Variants in KIAA1217 observed in about 807,000 individuals in gnomAD.
KIAA1217 encodes the protein KIAA1217, also known as sickle tail protein homolog.
KIAA1217 carries 88 observed loss-of-function variants against 163.9 expected under a neutral mutation model. That is an observed-to-expected ratio of 0.54 (90% CI 0.45 to 0.64). KIAA1217 has a LOEUF of 0.64. Among genes scored for constraint, KIAA1217 ranks in the 30% least tolerant of loss-of-function variants. KIAA1217 has a pLI of 0.00. For missense variants in KIAA1217, 2,372 were observed against 2,475.0 expected (o/e 0.96, Z 0.88); for synonymous variants, 903 against 923.1 (o/e 0.98, Z 0.39).
chr10:24,143,358 C>T (rs1316763035), intron 2 of KIAA1217, among the ~76,000 whole-genome samples: 1 of 152,128 alleles, frequency 6.6e-6, no homozygotes, highest in Non-Finnish European at 1.5e-5. Context: ...CCTCTGCCTC[C>T]CAGGTTCAAG....
chr10:24,446,028 C>T (rs1212715178), intron 5 of KIAA1217, among the ~76,000 whole-genome samples: 1 of 152,182 alleles, frequency 6.6e-6, no homozygotes, highest in African/African-American at 2.4e-5. Flanking sequence ...TTCTCCACAT[C>T]CTCTCCAGCA....
chr10:24,406,957 A>G (rs1343428551), intron 3 of KIAA1217, among the ~76,000 whole-genome samples: 4 of 152,200 alleles, frequency 2.6e-5, no homozygotes, highest in African/African-American at 7.2e-5. Flanking sequence ...TGAAACAACA[A>G]AAGCACCTGT....
At chr10:24,360,040 C>CATTTTTTTTTTTTTT (rs55881849) in intron 2 of KIAA1217, among the ~76,000 whole-genome samples, 2 of 94,282 alleles carry the variant, frequency 2.1e-5, no homozygotes, top group African/African-American at 4.5e-5. Context: ...GATATAATTA[C>CATTTTTTTTTTTTTT]TTTTTTTTTT....
intron 1 of KIAA1217, among the ~76,000 whole-genome samples, chr10:23,988,580 T>C (rs1846081179): frequency 6.6e-6 from 1 of 152,174 alleles, no homozygotes; most frequent in African/African-American, 2.4e-5. Context: ...CAAATAAATA[T>C]GCAAAATGCA....
At chr10:24,525,025 A>ACCTGGCCTGTAG (rs71281595) in intron 13 of KIAA1217, among the ~76,000 whole-genome samples, 7 of 150,730 alleles carry the variant, frequency 4.6e-5, no homozygotes, top group Non-Finnish European at 7.4e-5. Flanking sequence ...AAGGTGAGAC[A>ACCTGGCCTGTAG]GCAGTGTGCT....
chr10:24,032,528 T>G (rs139233619), intron 2 of KIAA1217, among the ~76,000 whole-genome samples: 2,237 of 152,274 alleles, frequency 0.015, 25 homozygotes, highest in South Asian at 0.043. Flanking sequence ...TGAGCCACCA[T>G]GCCTGGCCTC....
chr10:24,272,417 G>A (rs1804276103), intron 2 of KIAA1217, among the ~76,000 whole-genome samples: 1 of 152,160 alleles, frequency 6.6e-6, no homozygotes, highest in African/African-American at 2.4e-5. Flanking sequence ...AATGATGCCT[G>A]AGTTTTCATT....
chr10:24,051,864 A>T (rs545563506), intron 2 of KIAA1217, among the ~76,000 whole-genome samples: 10 of 152,070 alleles, frequency 6.6e-5, no homozygotes, highest in Non-Finnish European at 1.5e-4. Flanking sequence ...TCCTTTTTCA[A>T]ATGCATACTT....
chr10:23,770,056 A>G (rs1834725493), intron 1 of KIAA1217, among the ~76,000 whole-genome samples: 1 of 152,210 alleles, frequency 6.6e-6, no homozygotes, highest in South Asian at 2.1e-4. Context: ...TTCACTTTCT[A>G]TCCTTCTCCA....
At chr10:24,395,757 A>G (rs577750013) in intron 3 of KIAA1217, among the ~76,000 whole-genome samples, 56 of 152,054 alleles carry the variant, frequency 3.7e-4, no homozygotes, top group Middle Eastern at 3.4e-3. Context: ...TACAGCCTCA[A>G]TCTCCTGGGC....
intron 2 of KIAA1217, among the ~76,000 whole-genome samples, chr10:24,368,170 T>C (rs968198448): frequency 2.6e-5 from 4 of 152,222 alleles, no homozygotes; most frequent in Non-Finnish European, 5.9e-5. Flanking sequence ...CTTAATCATT[T>C]TCACATTCCT....
At chr10:23,758,603 T>C (rs1328721780) in intron 1 of KIAA1217, among the ~76,000 whole-genome samples, 1 of 148,670 alleles carries the variant, frequency 6.7e-6, no homozygotes, top group African/African-American at 2.6e-5. Context: ...TCTCTTTTCT[T>C]TTCTCTTTCT....
chr10:24,135,352 G>A (rs574794961), intron 2 of KIAA1217, among the ~76,000 whole-genome samples: 2 of 152,014 alleles, frequency 1.3e-5, no homozygotes, highest in Non-Finnish European at 2.9e-5. Flanking sequence ...GTGAGTTTTA[G>A]CTCCCGTAAA....
intron 1 of KIAA1217, among the ~76,000 whole-genome samples, chr10:23,963,587 C>T (rs926557983): frequency 6.6e-6 from 1 of 152,132 alleles, no homozygotes; most frequent in Non-Finnish European, 1.5e-5. Context: ...GAGGTGCATG[C>T]ATCTTTATAG....
At chr10:23,944,877 G>A (rs969164136) in intron 1 of KIAA1217, among the ~76,000 whole-genome samples, 1 of 152,000 alleles carries the variant, frequency 6.6e-6, no homozygotes, top group Admixed American at 6.6e-5. Context: ...TGGCCAACAT[G>A]GTGAAACCCT....
chr10:24,430,338 A>T (rs2059501379), intron 3 of KIAA1217, among the ~76,000 whole-genome samples: 1 of 152,006 alleles, frequency 6.6e-6, no homozygotes. Flanking sequence ...TCTTCTGTGG[A>T]TGTGATGGGT....
At chr10:23,925,968 T>C (rs1373840194) in intron 1 of KIAA1217, among the ~76,000 whole-genome samples, 1 of 152,196 alleles carries the variant, frequency 6.6e-6, no homozygotes, top group Non-Finnish European at 1.5e-5. Context: ...TGAAGGCCAA[T>C]AAACTTTCTC....
At chr10:23,885,635 C>T (rs1219636473) in intron 1 of KIAA1217, among the ~76,000 whole-genome samples, 1 of 152,062 alleles carries the variant, frequency 6.6e-6, no homozygotes, top group East Asian at 2.0e-4. Context: ...AGGTCTTTAG[C>T]ATGTAGCTCT....
intron 4 of KIAA1217, among the ~76,000 whole-genome samples, chr10:24,435,871 T>C (rs2059975072): frequency 6.6e-6 from 1 of 152,126 alleles, no homozygotes; most frequent in Non-Finnish European, 1.5e-5. Flanking sequence ...CTAACTTTTT[T>C]TTTTTTTGAG....
Sources: allele counts gnomAD v4.1 joint callset (sites outside exome capture counted in the v4.1 genomes callset), GRCh38; gene constraint gnomAD v4.1.1; transcripts MANE v1.5; gene names NCBI Gene and HGNC (gene_info 2026-07-23, HGNC 2026-07-21).